Variants in NMNAT3 observed in about 807,000 individuals in gnomAD.
NMNAT3 encodes the protein nicotinamide nucleotide adenylyltransferase 3, also known as nicotinamide/nicotinic acid mononucleotide adenylyltransferase 3.
Under a neutral mutation model 24.8 loss-of-function variants are expected in NMNAT3, and 21 were observed. That is an observed-to-expected ratio of 0.85 (90% CI 0.60 to 1.22). The LOEUF is 1.22. Ranked by LOEUF, NMNAT3 falls within the 50% of genes most tolerant of loss-of-function variation. The probability of loss-of-function intolerance (pLI) is 0.00; values close to 1 mark genes in which losing one functional copy is unlikely to be tolerated. For synonymous variants in NMNAT3, 136 were observed against 155.2 expected, an observed-to-expected ratio of 0.88 and a Z score of 0.92; for missense variants, 387 against 436.6, an observed-to-expected ratio of 0.89 and a Z score of 1.01.
chr3:139,612,885 A>C (rs1336052080), intron 3 of NMNAT3, among the ~76,000 whole-genome samples: 1 of 152,226 alleles, frequency 6.6e-6, no homozygotes, highest in Admixed American at 6.5e-5. Flanking sequence ...AAATGGGGAA[A>C]GGATTCCCTA....
intron 3 of NMNAT3, among the ~76,000 whole-genome samples, chr3:139,589,923 A>G (rs964463895): frequency 6.6e-6 from 1 of 152,182 alleles, no homozygotes; most frequent in Non-Finnish European, 1.5e-5. Context: ...CACCCAAATA[A>G]GAGAGTAAAC....
chr3:139,672,156 C>T lies in NMNAT3; in HGVS notation c.-141+5549G>A, dbSNP rs545405335. ...GAACACTGTGACAAGGGGGAAGGAC[C>T]AGAATCAAGGCTCTAACCCCTACAC... On this transcript the variant is annotated intron_variant, in intron 1 of 6. Coordinates refer to ENST00000643695, the MANE Select transcript of NMNAT3 (RefSeq NM_001320510.2). 1.2e-3 allele frequency among the ~76,000 whole-genome samples: 179 copies of T among 152,272 alleles called. 1 individual carries two copies. The highest frequency in any genetic ancestry group is 4.2e-3 in the African/African-American group (176 of 41,544).
intron 1 of NMNAT3, among the ~76,000 whole-genome samples, chr3:139,650,574 G>A (rs1197068749): frequency 1.3e-5 from 2 of 152,198 alleles, no homozygotes; most frequent in African/African-American, 2.4e-5. Flanking sequence ...TAGAGTCAGA[G>A]CTCTGGACTC....
At chr3:139,653,834 G>A (rs540448092) in intron 1 of NMNAT3, among the ~76,000 whole-genome samples, 3 of 152,302 alleles carry the variant, frequency 2.0e-5, no homozygotes, top group African/African-American at 7.2e-5. Context: ...GTTGTAACTC[G>A]AACCTGGGGC....
chr3:139,588,437 AG>A (rs1276604514), intron 3 of NMNAT3, among the ~76,000 whole-genome samples: 1 of 152,242 alleles, frequency 6.6e-6, no homozygotes, highest in Non-Finnish European at 1.5e-5. Flanking sequence ...TGAAATCATA[AG>A]GGCAAAGAGA....
chr3:139,660,751 A>C (rs932074960), intron 1 of NMNAT3, among the ~76,000 whole-genome samples: 1 of 152,186 alleles, frequency 6.6e-6, no homozygotes, highest in Admixed American at 6.5e-5. Flanking sequence ...GGTAACAACA[A>C]ACACTCCAAG....
intron 2 of NMNAT3, among the ~76,000 whole-genome samples, chr3:139,629,264 G>T (rs1280854521): frequency 6.6e-6 from 1 of 152,166 alleles, no homozygotes. Flanking sequence ...GACCTCTGGT[G>T]GCCAACAGCC....
intron 3 of NMNAT3, among the ~76,000 whole-genome samples, chr3:139,617,525 A>G (rs2055564374): frequency 6.6e-6 from 1 of 152,216 alleles, no homozygotes; most frequent in South Asian, 2.1e-4. Flanking sequence ...TGAAAATTAA[A>G]TGAGTTCATG....
chr3:139,583,433 C>T, intron 3 of NMNAT3: 1 of 1,595,180 alleles, frequency 6.3e-7, no homozygotes, highest in Non-Finnish European at 8.6e-7. Context: ...TTTTGATCTC[C>T]CACTTTGCTG....
chr3:139,604,867 A>G (rs141666771), intron 3 of NMNAT3, among the ~76,000 whole-genome samples: 142 of 152,198 alleles, frequency 9.3e-4, no homozygotes, highest in African/African-American at 3.3e-3. Context: ...TAAGGGGGGA[A>G]AAAAGACACG....
intron 1 of NMNAT3, among the ~76,000 whole-genome samples, chr3:139,669,400 G>C (rs567195072): frequency 6.6e-6 from 1 of 150,932 alleles, no homozygotes; most frequent in African/African-American, 2.4e-5. Flanking sequence ...GCTTGAACCT[G>C]GGAGGCGGAG....
At chr3:139,633,093 C>T (rs951306987) in intron 2 of NMNAT3, among the ~76,000 whole-genome samples, 1 of 152,114 alleles carries the variant, frequency 6.6e-6, no homozygotes, top group African/African-American at 2.4e-5. Context: ...AATGACTGTC[C>T]CCAGGACCTC....
intron 3 of NMNAT3, among the ~76,000 whole-genome samples, chr3:139,591,666 C>G (rs2054188337): frequency 6.6e-6 from 1 of 152,234 alleles, no homozygotes; most frequent in Non-Finnish European, 1.5e-5. Context: ...TGACCCCTGA[C>G]CCCCGAGCAG....
At chr3:139,645,295 G>A (rs530925587) in intron 1 of NMNAT3, among the ~76,000 whole-genome samples, 49 of 152,316 alleles carry the variant, frequency 3.2e-4, no homozygotes, top group African/African-American at 5.5e-4. Context: ...CTCTCACCTC[G>A]TGGAGAGTCT....
At chr3:139,595,595 A>T (rs2054413115) in intron 3 of NMNAT3, among the ~76,000 whole-genome samples, 1 of 152,240 alleles carries the variant, frequency 6.6e-6, no homozygotes, top group African/African-American at 2.4e-5. Flanking sequence ...ACAGCATGGT[A>T]CTGGTACCAA....
intron 1 of NMNAT3, among the ~76,000 whole-genome samples, chr3:139,664,052 T>C (rs2057501840): frequency 6.6e-6 from 1 of 152,118 alleles, no homozygotes; most frequent in African/African-American, 2.4e-5. Flanking sequence ...GTTGAGAAAA[T>C]CAGACAGTAA....
chr3:139,603,538 T>A (rs998565103), intron 3 of NMNAT3, among the ~76,000 whole-genome samples: 3 of 152,090 alleles, frequency 2.0e-5, no homozygotes, highest in African/African-American at 7.2e-5. Context: ...GCCACCATCA[T>A]CAAATCATGA....
At chr3:139,599,492 A>G (rs939015931) in intron 3 of NMNAT3, 5 of 680,826 alleles carry the variant, frequency 7.3e-6, no homozygotes, top group African/African-American at 5.3e-5. Flanking sequence ...AGCAACTGTC[A>G]CAAGTGGTGT....
intron 6 of NMNAT3, among the ~76,000 whole-genome samples, chr3:139,571,731 T>C (rs1335194754): frequency 1.3e-5 from 2 of 152,088 alleles, no homozygotes; most frequent in South Asian, 4.1e-4. Flanking sequence ...GGAAGGTGAA[T>C]TCTGAACTGG....
Sources: allele counts gnomAD v4.1 joint callset (sites outside exome capture counted in the v4.1 genomes callset), GRCh38; gene constraint gnomAD v4.1.1; transcripts MANE v1.5; gene names NCBI Gene and HGNC (gene_info 2026-07-23, HGNC 2026-07-21).